TNR: variants seen among roughly 807,000 people sequenced by gnomAD.
The protein encoded by TNR is tenascin-R.
A neutral mutation model predicts 150.4 loss-of-function variants in TNR; 45 were observed. The observed-to-expected ratio is 0.30, with a 90% CI of 0.24 to 0.38. The LOEUF (loss-of-function observed/expected upper bound fraction) is 0.38, where lower values mean the gene tolerates loss of function less well. TNR is among the 10% of genes least tolerant of loss of function. The probability of loss-of-function intolerance (pLI) is 1.00; values close to 1 mark genes in which losing one functional copy is unlikely to be tolerated. For missense variants in TNR, 1,544 were observed against 1,759.1 expected (o/e 0.88, Z 2.19); for synonymous variants, 687 against 678.4 (o/e 1.01, Z -0.20).
In TNR at chr1:175,320,697, C is replaced by CATGTGT. The variant is rs138905402; in HGVS notation, c.*2659_*2660insACACAT. On this transcript the variant is annotated 3_prime_UTR_variant, in exon 23 of 23. Transcript: ENST00000367674. ...GGCATGATCTTTTCTGCAGTATTTT[C>CATGTGT]GTGTGTGTGTGTGTGTGTGTGTGTG... 3.4e-5 allele frequency: 5 copies of CATGTGT among 146,320 alleles called. No homozygotes were observed. Among genetic ancestry groups the CATGTGT allele is most frequent in the African/African-American group, 7.7e-5 (3 of 39,102 alleles). The allele number at this position is 146,320 out of a possible 1,614,324, so 9.1% of individuals were successfully genotyped here.
chr1:175,418,396 AAT>A (rs1654600308), intron 2 of TNR, among the ~76,000 whole-genome samples: 1 of 152,144 alleles, frequency 6.6e-6, no homozygotes, highest in African/African-American at 2.4e-5. Context: ...GGTCTTGAAG[AAT>A]GAGAAAGATT....
At chr1:175,347,937 G>A (rs1650874900) in intron 18 of TNR, among the ~76,000 whole-genome samples, 3 of 151,768 alleles carry the variant, frequency 2.0e-5, no homozygotes, top group Admixed American at 1.3e-4. Flanking sequence ...ATAAATAAGA[G>A]GTATAAGAAT....
At chr1:175,663,274 C>T (rs902258023) in intron 1 of TNR, among the ~76,000 whole-genome samples, 10 of 152,236 alleles carry the variant, frequency 6.6e-5, no homozygotes, top group East Asian at 1.9e-4. Context: ...TCAAGTGAGA[C>T]GCTGGTGCCA....
intron 1 of TNR, among the ~76,000 whole-genome samples, chr1:175,586,454 C>T (rs1171778171): frequency 6.6e-6 from 1 of 152,118 alleles, no homozygotes; most frequent in East Asian, 1.9e-4. Flanking sequence ...GCATCCGCCA[C>T]CATGGCCGGC....
chr1:175,689,992 A>G (rs577661865), intron 1 of TNR, among the ~76,000 whole-genome samples: 1 of 152,364 alleles, frequency 6.6e-6, no homozygotes, highest in Admixed American at 6.5e-5. Context: ...AACATTAAGT[A>G]GGATAATGGT....
At chr1:175,525,656 T>C (rs184660701) in intron 2 of TNR, among the ~76,000 whole-genome samples, 145 of 152,332 alleles carry the variant, frequency 9.5e-4, no homozygotes, top group Admixed American at 9.4e-3. Context: ...TTCACCTACC[T>C]GGCTCCTTGG....
At chr1:175,394,759 G>A (rs369055111) in intron 5 of TNR, among the ~76,000 whole-genome samples, 1 of 152,342 alleles carries the variant, frequency 6.6e-6, no homozygotes, top group East Asian at 1.9e-4. Context: ...TTGGTTGGAA[G>A]GCAGGGCTGA....
At chr1:175,354,099 G>A (rs2301433) in intron 18 of TNR, among the ~76,000 whole-genome samples, 7,731 of 152,198 alleles carry the variant, frequency 0.051, 279 homozygotes, top group Middle Eastern at 0.18. Context: ...GCCCATCTAG[G>A]CCCCCGAAGT....
chr1:175,612,851 C>A (rs896433315), intron 1 of TNR, among the ~76,000 whole-genome samples: 1 of 152,208 alleles, frequency 6.6e-6, no homozygotes, highest in African/African-American at 2.4e-5. Context: ...TGATTCCAAT[C>A]ATTTACTCAA....
At chr1:175,536,267 A>G (rs1660277525) in intron 1 of TNR, among the ~76,000 whole-genome samples, 1 of 152,226 alleles carries the variant, frequency 6.6e-6, no homozygotes, top group Admixed American at 6.5e-5. Flanking sequence ...TTTTTCAACC[A>G]TGCCTTTTTT....
intron 1 of TNR, among the ~76,000 whole-genome samples, chr1:175,620,788 G>T (rs1663944876): frequency 6.6e-6 from 1 of 152,078 alleles, no homozygotes; most frequent in African/African-American, 2.4e-5. Flanking sequence ...CAGGTGTATG[G>T]GATGCTCTTT....
At chr1:175,327,414 G>A (rs758326421) in intron 21 of TNR, among the ~76,000 whole-genome samples, 7 of 152,156 alleles carry the variant, frequency 4.6e-5, no homozygotes, top group Non-Finnish European at 5.9e-5. Flanking sequence ...TATTAGGTCT[G>A]ATGCAGCAGC....
intron 1 of TNR, among the ~76,000 whole-genome samples, chr1:175,698,097 CCA>C (rs1159478044): frequency 6.6e-6 from 1 of 152,224 alleles, no homozygotes. Context: ...CTTTTAACTT[CCA>C]TTCATTCCGT....
At chr1:175,334,076 T>C (rs1571305347) in intron 20 of TNR, among the ~76,000 whole-genome samples, 1 of 152,316 alleles carries the variant, frequency 6.6e-6, no homozygotes, top group East Asian at 1.9e-4. Flanking sequence ...CTCCTGGTGG[T>C]AATGTGGAGT....
At chr1:175,527,137 G>A (rs1415599667) in intron 2 of TNR, among the ~76,000 whole-genome samples, 2 of 152,170 alleles carry the variant, frequency 1.3e-5, no homozygotes, top group Non-Finnish European at 2.9e-5. Flanking sequence ...GTACACCCTG[G>A]TCCACCTTCC....
At chr1:175,628,711 G>A (rs1198064125) in intron 1 of TNR, among the ~76,000 whole-genome samples, 1 of 152,070 alleles carries the variant, frequency 6.6e-6, no homozygotes, top group Non-Finnish European at 1.5e-5. Context: ...GAGAAAGAAT[G>A]AAGAAGTGCT....
At chr1:175,393,406 T>G (rs1230594573) in intron 6 of TNR, among the ~76,000 whole-genome samples, 1 of 152,186 alleles carries the variant, frequency 6.6e-6, no homozygotes, top group Non-Finnish European at 1.5e-5. Flanking sequence ...ATGTGATGGA[T>G]TCAGCCTGGC....
chr1:175,664,549 A>C (rs964603929), intron 1 of TNR, among the ~76,000 whole-genome samples: 8 of 152,206 alleles, frequency 5.3e-5, no homozygotes, highest in African/African-American at 1.9e-4. Flanking sequence ...CTCTGAAAAA[A>C]TCAGGGATTT....
chr1:175,501,131 C>A (rs535509401), intron 2 of TNR, among the ~76,000 whole-genome samples: 3 of 152,112 alleles, frequency 2.0e-5, no homozygotes, highest in African/African-American at 7.2e-5. Context: ...AATTAGCTGA[C>A]CCGAGTTAAT....
Sources: allele counts gnomAD v4.1 joint callset (sites outside exome capture counted in the v4.1 genomes callset), GRCh38; gene constraint gnomAD v4.1.1; transcripts MANE v1.5; gene names NCBI Gene and HGNC (gene_info 2026-07-23, HGNC 2026-07-21).